Variants in LPIN2 observed in about 807,000 individuals in gnomAD.
LPIN2 encodes phosphatidate phosphatase LPIN2.
A neutral mutation model predicts 111.4 loss-of-function variants in LPIN2; 55 were observed. That is an observed-to-expected ratio of 0.49 (90% CI 0.40 to 0.62). The LOEUF (loss-of-function observed/expected upper bound fraction) is 0.62. LPIN2 is among the 20% of genes least tolerant of loss of function. The pLI is 0.00. For missense variants in LPIN2, 992 were observed against 1,112.1 expected, an observed-to-expected ratio of 0.89 and a Z score of 1.54; for synonymous variants, 425 against 414.0, an observed-to-expected ratio of 1.03 and a Z score of -0.32.
intron 4 of LPIN2, among the ~76,000 whole-genome samples, chr18:2,944,596 C>T (rs1342634784): frequency 6.6e-6 from 1 of 151,980 alleles, no homozygotes; most frequent in Non-Finnish European, 1.5e-5. Flanking sequence ...GTGATCTGCC[C>T]GCCTCGGCCT....
At chr18:3,006,000 GGC>G (rs2078509922) in intron 1 of LPIN2, among the ~76,000 whole-genome samples, 1 of 152,220 alleles carries the variant, frequency 6.6e-6, no homozygotes, top group South Asian at 2.1e-4. Flanking sequence ...AATGTGGGGA[GGC>G]AGGTCATCGC....
intron 1 of LPIN2, chr18:3,012,096 T>C (rs1203738537): frequency 6.6e-6 from 1 of 152,202 alleles, no homozygotes; most frequent in African/African-American, 2.4e-5. Flanking sequence ...CAAGTTTTAA[T>C]AAACAGTAAC....
At chr18:3,008,801 T>C (rs1419853448) in intron 1 of LPIN2, among the ~76,000 whole-genome samples, 1 of 151,424 alleles carries the variant, frequency 6.6e-6, no homozygotes, top group Non-Finnish European at 1.5e-5. Context: ...CAGCCTCAAC[T>C]CCTTGGCTGA....
In LPIN2 at chr18:2,934,393, T is replaced by C. The variant is rs1332067792; in HGVS notation, c.1226A>G (p.Lys409Arg). ...AGCTGCAACTTCAGGTTCTAGACCC[T>C]TTAAGTCATCAAGGTAAATATCATC... ...GPDDIYLDDL[K>R]GLEPEVAALY... Residue 409 changes from lysine to arginine, a missense_variant, in exon 8 of 20, where the codon AAG becomes AGG. By Grantham distance (26) the Lys-to-Arg change is conservative (BLOSUM62 2). Around this residue, in one of 4 missense-constraint regions of LPIN2, gnomAD observed 709 missense variants for 753.2 expected, o/e 0.94. Transcript: ENST00000677752. 6.2e-7 allele frequency: 1 copy of C among 1,613,646 alleles called. No individual in the cohort carries two copies. Among genetic ancestry groups the C allele is most frequent in the African/African-American group, 1.3e-5 (1 of 74,894 alleles).
chr18:2,929,461 G>A (rs1187712118), intron 9 of LPIN2, among the ~76,000 whole-genome samples: 2 of 152,028 alleles, frequency 1.3e-5, no homozygotes, highest in African/African-American at 4.8e-5. Flanking sequence ...ACGGAAGACA[G>A]ACACAGAAAG....
intron 18 of LPIN2, 166 bp downstream of exon 18, chr18:2,921,367 G>A (rs2077051254): frequency 4.4e-6 from 3 of 676,668 alleles, no homozygotes; most frequent in Admixed American, 4.4e-5. Context: ...GACCTCCCCA[G>A]TTGCTATAGA....
At chr18:2,994,751 G>A (rs1300495317) in intron 1 of LPIN2, among the ~76,000 whole-genome samples, 5 of 152,104 alleles carry the variant, frequency 3.3e-5, no homozygotes, top group Non-Finnish European at 5.9e-5. Context: ...CTCCCCAGTG[G>A]TGACAGCCAA....
chr18:3,009,034 A>T (rs1332907523), intron 1 of LPIN2, among the ~76,000 whole-genome samples: 1 of 152,074 alleles, frequency 6.6e-6, no homozygotes, highest in African/African-American at 2.4e-5. Flanking sequence ...TAGGAGGCGA[A>T]AGCAGGAGGC....
chr18:2,962,961 A>C (rs1321172415), intron 1 of LPIN2, among the ~76,000 whole-genome samples: 2 of 152,268 alleles, frequency 1.3e-5, no homozygotes, highest in Non-Finnish European at 2.9e-5. Context: ...ATTCATAATT[A>C]AGTGTAACCG....
chr18:2,918,413 T>G lies in LPIN2; in HGVS notation c.*1880A>C, dbSNP rs2077000629. 1 of 152,172 alleles carries G rather than the reference T, an allele frequency of 6.6e-6. No homozygotes were observed. The highest frequency in any genetic ancestry group is 2.1e-4 in the South Asian group (1 of 4,836). 9.4% of individuals were successfully genotyped at this position (152,172 alleles called of 1,614,324 possible). On this transcript the variant is annotated 3_prime_UTR_variant, in exon 20 of 20. Coordinates refer to ENST00000677752, the MANE Select transcript of LPIN2 (RefSeq NM_001375808.2). Reference sequence around the variant, plus strand: ...ACACACAAAGCTCTCATTCTTCCTCTAAATAGAAGGTAGTCAAGAGGACAC... The same window carrying G: ...ACACACAAAGCTCTCATTCTTCCTCGAAATAGAAGGTAGTCAAGAGGACAC...
Position 2,960,847 on chromosome 18 carries a change from A to G in LPIN2, c.-7T>C, listed in dbSNP as rs1410521843. The G allele has an allele frequency of 4.3e-6, 7 of 1,612,866 alleles. No individual in the cohort carries two copies. The highest frequency in any genetic ancestry group is 5.9e-6 in the Non-Finnish European group (7 of 1,179,296). On this transcript the variant is annotated splice_region_variant and 5_prime_UTR_variant, in exon 2 of 20. Coordinates refer to ENST00000677752, the MANE Select transcript of LPIN2 (RefSeq NM_001375808.2). ...GCTGTCCCACATAATTCATGGTTTGAGACTACAAGAAACAAAAATTAGATG... is the reference window on the plus strand; with the variant it reads ...GCTGTCCCACATAATTCATGGTTTGGGACTACAAGAAACAAAAATTAGATG...
chr18:3,009,792 A>T (rs957299616), intron 1 of LPIN2, among the ~76,000 whole-genome samples: 1 of 152,236 alleles, frequency 6.6e-6, no homozygotes, highest in Admixed American at 6.5e-5. Context: ...AAACCTGATC[A>T]CCGAAATACA....
At chr18:2,951,000 C>A in intron 4 of LPIN2, 55 bp downstream of exon 4, 1 of 1,601,482 alleles carries the variant, frequency 6.2e-7, no homozygotes, top group Non-Finnish European at 8.5e-7. Context: ...CAGCTCCTGG[C>A]TTCACATGAA....
In LPIN2 at chr18:2,956,388, G is replaced by C. The variant is rs115734523; in HGVS notation, c.193-1789C>G. ...CCCATTTCCTGGCTCTGCCAGCTTG[G>C]GCTGCCTAGAAGCAATGATACCTCA... On this transcript the variant is annotated intron_variant, in intron 2 of 19. Coordinates refer to ENST00000677752, the MANE Select transcript of LPIN2 (RefSeq NM_001375808.2). Among the ~76,000 whole-genome samples the C allele has an allele frequency of 6.0e-3, 895 of 148,018 alleles. 17 individuals are homozygous for C. Among genetic ancestry groups the C allele is most frequent in the African/African-American group, 0.022 (854 of 39,412 alleles).
intron 4 of LPIN2, chr18:2,945,587 C>A: frequency 6.6e-7 from 1 of 1,521,964 alleles, no homozygotes; most frequent in Non-Finnish European, 9.1e-7. Context: ...TGCTTTTTAG[C>A]TGCAGGCAGT....
rs1024171890 is a variant in LPIN2, at chr18:2,925,073, C to T, written c.1938+151G>A. ...TGGGCCTGATAGCTCTTGGGGGCGG[C>T]GGTCGTGGTTCCACTGTGGATAGGC... On this transcript the variant is annotated intron_variant, in intron 14 of 19. Coordinates refer to ENST00000677752, the MANE Select transcript of LPIN2 (RefSeq NM_001375808.2). This position sits in a 1 kb window ranked among gnomAD's most constrained non-coding sequence, Gnocchi z 4.1. The T allele has an allele frequency of 2.9e-5, 30 of 1,051,756 alleles. No homozygotes were observed. The highest frequency in any genetic ancestry group is 2.9e-4 in the Middle Eastern group (1 of 3,430). The allele number at this position is 1,051,756 out of a possible 1,614,324, so 65.2% of individuals were successfully genotyped here.
In LPIN2 at chr18:2,944,261, T is replaced by C. The variant is rs139263909; in HGVS notation, c.591-3549A>G. On this transcript the variant is annotated intron_variant, in intron 4 of 19. Transcript: ENST00000677752. ...AAAAAAACTCCAAAACAAGCTATTT[T>C]ATTTAACATGTAATAGTCATAAAGC... is the stretch of plus-strand genomic sequence containing the variant. Among the ~76,000 whole-genome samples the C allele has an allele frequency of 4.0e-3, 598 of 150,770 alleles. 7 individuals are homozygous for C. Among genetic ancestry groups the C allele is most frequent in the African/African-American group, 0.014 (562 of 41,246 alleles).
rs527641773 is a variant in LPIN2, at chr18:2,985,665, T to C, written c.-9-24816A>G. Among the ~76,000 whole-genome samples the C allele has an allele frequency of 9.2e-5, 14 of 152,326 alleles. No homozygotes were observed. In the East Asian group the frequency reaches 2.3e-3, roughly 25 times the overall value. On this transcript the variant is annotated intron_variant, in intron 1 of 19. Coordinates refer to ENST00000677752, the MANE Select transcript of LPIN2 (RefSeq NM_001375808.2). ...TCCCATAAGTATGTAAGACTAGGTA[T>C]ACAGGGCTTTTTAAGAGGGTATAAC... is the stretch of plus-strand genomic sequence containing the variant.
chr18:2,995,242 T>C (rs573202018), intron 1 of LPIN2, among the ~76,000 whole-genome samples: 2 of 152,346 alleles, frequency 1.3e-5, no homozygotes, highest in Non-Finnish European at 2.9e-5. Flanking sequence ...TAGGATAGGA[T>C]TCTAGCCATC....
Sources: allele counts gnomAD v4.1 joint callset (sites outside exome capture counted in the v4.1 genomes callset), GRCh38; gene constraint gnomAD v4.1.1; regional missense constraint gnomAD v4.1.1; non-coding constraint Gnocchi (gnomAD v3.1); transcripts MANE v1.5; gene names NCBI Gene and HGNC (gene_info 2026-07-23, HGNC 2026-07-21).